ERF: variants seen among roughly 807,000 people sequenced by gnomAD.
ERF encodes ETS domain-containing transcription factor ERF.
A neutral mutation model predicts 41.6 loss-of-function variants in ERF; 10 were observed. The observed-to-expected ratio is 0.24, with a 90% CI of 0.15 to 0.41. The LOEUF is 0.41. Ranked by LOEUF, ERF falls within the 10% of genes least tolerant of loss-of-function variation. The pLI, the probability that ERF is intolerant of heterozygous loss-of-function variation, is 1.00. For missense variants in ERF, 621 were observed against 763.2 expected (o/e 0.81, Z 2.19); for synonymous variants, 395 against 342.4 (o/e 1.15, Z -1.70).
Position 42,248,282 on chromosome 19 carries a change from A to AC in ERF, c.*182dup. On this transcript the variant is annotated 3_prime_UTR_variant, in exon 4 of 4. Transcript: ENST00000222329. The surrounding 1 kb of genome is among the most constrained non-coding windows in gnomAD (Gnocchi z 4.2). ...CAGGGAATAGCCCCTAGCCCTGGGC[A>AC]CCCACCCACCCCCACCATTTTTAAA... is the stretch of plus-strand genomic sequence containing the variant. 4.0e-6 allele frequency: 1 copy of AC among 249,590 alleles called. No individual in the cohort carries two copies. The highest frequency in any genetic ancestry group is 1.0e-4 in the East Asian group (1 of 9,812). 15.5% of individuals were successfully genotyped at this position (249,590 alleles called of 1,614,324 possible). A position where few individuals can be genotyped will look rare whatever the true frequency, so the allele number is the denominator to read the frequency against.
Position 42,248,651 on chromosome 19 carries a change from G to C in ERF, c.1461C>G (p.Arg487=), listed in dbSNP as rs371796869. The part of the protein sequence containing the change: ...CMPLKLRFKR[R]WSEDCRLEGG... ...CTTCGAGGCGACAGTCTTCACTCCA[G>C]CGCCGCTTAAAGCGTAGCTTGAGGG... The change falls in exon 4 of 4, where the codon CGC becomes CGG. Residue 487 remains arginine (R), a synonymous_variant. Transcript: ENST00000222329. This position sits in a 1 kb window ranked among gnomAD's most constrained non-coding sequence, Gnocchi z 4.2. The C allele has an allele frequency of 6.2e-7, 1 of 1,600,822 alleles. No homozygotes were observed. The highest frequency in any genetic ancestry group is 8.5e-7 in the Non-Finnish European group (1 of 1,171,306).
chr19:42,254,893 C>G, intron 1 of ERF, 85 bp downstream of exon 1: 1 of 1,418,240 alleles, frequency 7.1e-7, no homozygotes, highest in Non-Finnish European at 9.4e-7. Flanking sequence ...CGGGCTCCCC[C>G]GGACCCCTTC....
rs2036355743 is a variant in ERF at position 42,247,940 on chromosome 19, C to T, written c.*525G>A. The T allele has an allele frequency of 6.5e-6, 1 of 152,830 alleles. No individual in the cohort carries two copies. Among genetic ancestry groups the T allele is most frequent in the Non-Finnish European group, 1.5e-5 (1 of 68,226 alleles). 9.5% of individuals were successfully genotyped at this position (152,830 alleles called of 1,614,324 possible). ...TTTTTGGTTCATTATAAAATTGTCCCTCCCTCCCCTGCTGTGACCTTGTGG... is the reference window on the plus strand; with the variant it reads ...TTTTTGGTTCATTATAAAATTGTCCTTCCCTCCCCTGCTGTGACCTTGTGG... On this transcript the variant is annotated 3_prime_UTR_variant, in exon 4 of 4. Coordinates refer to ENST00000222329, the MANE Select transcript of ERF (RefSeq NM_006494.4).
Position 42,250,375 on chromosome 19 carries a change from C to T in ERF, c.213G>A (p.Lys71=). The part of the protein sequence containing the change: ...DEVARLWGVR[K]CKPQMNYDKL... ...TGTCGTAATTCATCTGGGGCTTGCA[C>T]TTGCGAACGCCCCACAGCCGGGCCA... The change falls in exon 2 of 4, where the codon AAG becomes AAA. Residue 71 remains lysine (K), a synonymous_variant. Coordinates refer to ENST00000222329, the MANE Select transcript of ERF (RefSeq NM_006494.4). This position sits in a 1 kb window ranked among gnomAD's most constrained non-coding sequence, Gnocchi z 5.1. 2 of 1,614,044 alleles carry T rather than the reference C, an allele frequency of 1.2e-6. No individual in the cohort carries two copies. The highest frequency in any genetic ancestry group is 4.5e-5 in the East Asian group (2 of 44,878).
chr19:42,254,137 G>A (rs1482509871), intron 1 of ERF, among the ~76,000 whole-genome samples: 1 of 151,676 alleles, frequency 6.6e-6, no homozygotes, highest in Non-Finnish European at 1.5e-5. Flanking sequence ...GGGAACCTTG[G>A]CCCCTTAAGG....
chr19:42,255,037 C>G lies in ERF; in HGVS notation c.-38G>C. The G allele has an allele frequency of 7.3e-7, 1 of 1,371,618 alleles. No homozygotes were observed. The highest frequency in any genetic ancestry group is 9.4e-7 in the Non-Finnish European group (1 of 1,062,916). The allele number at this position is 1,371,618 out of a possible 1,614,324, so 85.0% of individuals were successfully genotyped here. A position where few individuals can be genotyped will look rare whatever the true frequency, so the allele number is the denominator to read the frequency against. ...GGGGCGAAGCGCCCCGATTCCGGGC[C>G]GCGGCTCCCGGCGCCCTCGCTGCCC... On this transcript the variant is annotated 5_prime_UTR_variant, in exon 1 of 4. Transcript: ENST00000222329.
intron 1 of ERF, among the ~76,000 whole-genome samples, chr19:42,254,226 G>C (rs893655849): frequency 6.6e-6 from 1 of 151,726 alleles, no homozygotes; most frequent in Non-Finnish European, 1.5e-5. Flanking sequence ...CCGGGAGGGG[G>C]GGCGAGGGGG....
chr19:42,249,620 G>A lies in ERF; in HGVS notation c.492C>T (p.Ala164=), dbSNP rs757163219. Reference sequence around the variant, plus strand: ...AGAGGGAAGATGAAGATGAAGAGCAGGCTGGTGGTGAGCGGGGGTCCTCGG... The same window carrying A: ...AGAGGGAAGATGAAGATGAAGAGCAAGCTGGTGGTGAGCGGGGGTCCTCGG... ...SPTEDPRSPP[A]CSSSSSSLFS... Residue 164 remains alanine (A), a synonymous_variant, in exon 4 of 4, where the codon GCC becomes GCT. Transcript: ENST00000222329. The surrounding 1 kb of genome is among the most constrained non-coding windows in gnomAD (Gnocchi z 8.6). The A allele has an allele frequency of 1.9e-6, 3 of 1,613,326 alleles. No homozygotes were observed. Among genetic ancestry groups the A allele is most frequent in the Non-Finnish European group, 2.5e-6 (3 of 1,179,750 alleles).
chr19:42,254,209 G>A (rs908179774), intron 1 of ERF, among the ~76,000 whole-genome samples: 1 of 151,562 alleles, frequency 6.6e-6, no homozygotes, highest in Non-Finnish European at 1.5e-5. Context: ...AAAGAGAAGA[G>A]GTGGATCCGG....
At chr19:42,254,625 C>G (rs886551644) in intron 1 of ERF, 1 of 229,500 alleles carries the variant, frequency 4.4e-6, no homozygotes, top group African/African-American at 2.3e-5. Flanking sequence ...ACGAGCCCCC[C>G]CGCCCCGCAC....
Position 42,249,789 on chromosome 19 carries a change from T to C in ERF, c.373+38A>G, listed in dbSNP as rs759843106. The C allele has an allele frequency of 1.1e-5, 17 of 1,613,900 alleles. No individual in the cohort carries two copies. The highest frequency in any genetic ancestry group is 1.3e-5 in the Non-Finnish European group (15 of 1,179,972). ...GCCCCTGGCCTAGCCTGAAGGGGCATGTAGACCCTCTCCACACCAACCATC... is the reference window on the plus strand; with the variant it reads ...GCCCCTGGCCTAGCCTGAAGGGGCACGTAGACCCTCTCCACACCAACCATC... On this transcript the variant is annotated intron_variant, in intron 3 of 3. Transcript: ENST00000222329. This position sits in a 1 kb window ranked among gnomAD's most constrained non-coding sequence, Gnocchi z 8.6.
intron 1 of ERF, among the ~76,000 whole-genome samples, 181 bp downstream of exon 1, chr19:42,254,797 G>A (rs918154044): frequency 1.1e-4 from 17 of 152,176 alleles, no homozygotes; most frequent in Non-Finnish European, 2.2e-4. Flanking sequence ...GCCAGGAATC[G>A]GGGGTCCCAG....
Position 42,250,229 on chromosome 19 carries a change from A to G in ERF, c.257+102T>C, listed in dbSNP as rs1599823799. On this transcript the variant is annotated intron_variant, in intron 2 of 3. Transcript: ENST00000222329. The surrounding 1 kb of genome is among the most constrained non-coding windows in gnomAD (Gnocchi z 5.1). ...CAAGGTCACACAGCTAGGATTTGGCAAAGCCAGGGGTCAGACCCAATGCTT... is the reference window on the plus strand; with the variant it reads ...CAAGGTCACACAGCTAGGATTTGGCGAAGCCAGGGGTCAGACCCAATGCTT... 7.6e-5 allele frequency: 106 copies of G among 1,390,624 alleles called. No individual in the cohort carries two copies. The East Asian group carries it at 2.4e-3, about 32-fold the overall frequency. The allele number at this position is 1,390,624 out of a possible 1,614,324, so 86.1% of individuals were successfully genotyped here. A position where few individuals can be genotyped will look rare whatever the true frequency, so the allele number is the denominator to read the frequency against.
rs1278624203 is a variant in ERF, at chr19:42,249,961, C to T, written c.258-19G>A. ...GTAATAGCTGTGGGTACAGAAATGCCATTGGGAAGGTCAGGTACGTGGGAC... is the reference window on the plus strand; with the variant it reads ...GTAATAGCTGTGGGTACAGAAATGCTATTGGGAAGGTCAGGTACGTGGGAC... On this transcript the variant is annotated intron_variant, in intron 2 of 3. Transcript: ENST00000222329. The surrounding 1 kb of genome is among the most constrained non-coding windows in gnomAD (Gnocchi z 8.6). 6 of 1,610,900 alleles carry T rather than the reference C, an allele frequency of 3.7e-6. No homozygotes were observed. Among genetic ancestry groups the T allele is most frequent in the Non-Finnish European group, 5.1e-6 (6 of 1,177,194 alleles).
In ERF at chr19:42,247,926, T is replaced by C. The variant is rs78854891; in HGVS notation, c.*539A>G. 0.042 allele frequency: 6,333 copies of C among 151,852 alleles called. 177 individuals are homozygous for C. Among genetic ancestry groups the C allele is most frequent in the Non-Finnish European group, 0.063 (4,279 of 67,840 alleles). 9.4% of individuals were successfully genotyped at this position (151,852 alleles called of 1,614,324 possible). On this transcript the variant is annotated 3_prime_UTR_variant, in exon 4 of 4. Transcript: ENST00000222329. Reference sequence around the variant, plus strand: ...CCCAACACATGGAATTTTTGGTTCATTATAAAATTGTCCCTCCCTCCCCTG... The same window carrying C: ...CCCAACACATGGAATTTTTGGTTCACTATAAAATTGTCCCTCCCTCCCCTG...
At chr19:42,254,652 A>C in intron 1 of ERF, 2 of 224,942 alleles carry the variant, frequency 8.9e-6, no homozygotes, top group Non-Finnish European at 8.8e-6. Flanking sequence ...CGGCCCCCAG[A>C]GTGCAACGTG....
At position 42,249,457 on chromosome 19, in the gene ERF, C is replaced by A; in HGVS notation, c.655G>T (p.Gly219Trp). The A allele has an allele frequency of 1.3e-6, 2 of 1,599,664 alleles. No homozygotes were observed. The highest frequency in any genetic ancestry group is 1.1e-5 in the South Asian group (1 of 89,356). ...TGGGGCAGGCGGGCCAGCGGGGGCC[C>A]TCGGAAGGCACCCAGATCCGGAGGG... The part of the protein sequence containing the change: ...PGPPDLGAFR[G>W]PPLARLPHDP... Residue 219 changes from glycine (G) to tryptophan (W), a missense_variant, in exon 4 of 4, where the codon GGG becomes TGG. Around this residue, in one of 3 missense-constraint regions of ERF, gnomAD observed 569 missense variants for 625.5 expected, o/e 0.91. Coordinates refer to ENST00000222329, the MANE Select transcript of ERF (RefSeq NM_006494.4). This position sits in a 1 kb window ranked among gnomAD's most constrained non-coding sequence, Gnocchi z 8.6.
At position 42,255,011 on chromosome 19, in the gene ERF, C is replaced by A; in HGVS notation, c.-12G>T. 7.0e-7 allele frequency: 1 copy of A among 1,425,904 alleles called. No homozygotes were observed. The highest frequency in any genetic ancestry group is 1.5e-5 in the African/African-American group (1 of 67,022). 88.3% of individuals were successfully genotyped at this position (1,425,904 alleles called of 1,614,324 possible). On this transcript the variant is annotated 5_prime_UTR_variant, in exon 1 of 4. Coordinates refer to ENST00000222329, the MANE Select transcript of ERF (RefSeq NM_006494.4). ...GCCGGGGTCTTCATGCTGGGGGGCC[C>A]GGGGCGAAGCGCCCCGATTCCGGGC...
rs545519539 is a variant in ERF at position 42,250,594 on chromosome 19, G to A, written c.23-29C>T. On this transcript the variant is annotated intron_variant, in intron 1 of 3. Transcript: ENST00000222329. The surrounding 1 kb of genome is among the most constrained non-coding windows in gnomAD (Gnocchi z 5.1). The stretch of plus-strand genomic sequence containing the variant: ...GGGACGGGAGGCAGGGAGTGGCCTG[G>A]GGTCAGGCTGCCAAGTCCAGGGCTC... The A allele has an allele frequency of 3.1e-6, 5 of 1,604,466 alleles. No homozygotes were observed. In the South Asian group the frequency reaches 5.5e-5, roughly 18 times the overall value.
Sources: gnomAD v4.1 joint callset for allele counts (sites outside exome capture counted in the v4.1 genomes callset) on GRCh38, gnomAD v4.1.1 for gene constraint, gnomAD v4.1.1 regional missense constraint, Gnocchi (gnomAD v3.1) non-coding constraint, MANE v1.5 for transcripts, NCBI Gene and HGNC (gene_info 2026-07-23, HGNC 2026-07-21) for gene names.